The following PDGFD variants were observed in gnomAD, a reference collection of about 807,000 sequenced individuals.
The protein encoded by PDGFD is platelet derived growth factor D, also known as platelet-derived growth factor D.
Under a neutral mutation model 44.7 loss-of-function variants are expected in PDGFD, and 30 were observed. The observed-to-expected ratio is 0.67, with a 90% confidence interval of 0.50 to 0.91. The LOEUF is 0.91. Among genes scored for constraint, PDGFD ranks in the 40% least tolerant of loss-of-function variants. The probability of loss-of-function intolerance (pLI) is 0.00; values close to 1 mark genes in which losing one functional copy is unlikely to be tolerated. For synonymous variants in PDGFD, 173 were observed against 168.4 expected, an observed-to-expected ratio of 1.03 and a Z score of -0.21; for missense variants, 445 against 457.8, an observed-to-expected ratio of 0.97 and a Z score of 0.25.
intron 3 of PDGFD, among the ~76,000 whole-genome samples, chr11:103,975,604 C>CTAGGTTTTAGGTTT: frequency 6.6e-6 from 1 of 152,006 alleles, no homozygotes; most frequent in Non-Finnish European, 1.5e-5. Context: ...AGGTTTTCTT[C>CTAGGTTTTAGGTTT]TAGGTTTTAG....
chr11:103,990,904 C>T (rs778206173), intron 3 of PDGFD, among the ~76,000 whole-genome samples: 1 of 152,050 alleles, frequency 6.6e-6, no homozygotes, highest in Non-Finnish European at 1.5e-5. Flanking sequence ...CTTTGGGAGG[C>T]TGAGGCGGGC....
At chr11:103,959,971 TCAGTTAACAGGAACATCTTTTACTTTGA>T (rs1858911585) in intron 3 of PDGFD, among the ~76,000 whole-genome samples, 1 of 152,216 alleles carries the variant, frequency 6.6e-6, no homozygotes. Context: ...TTGGTTATCA[TCAGTTAACAGGAACATCTTTTACTTTGA>T]CCAGTTATTA....
intron 1 of PDGFD, among the ~76,000 whole-genome samples, chr11:104,099,804 T>C (rs1382157268): frequency 4.6e-5 from 7 of 151,994 alleles, no homozygotes; most frequent in African/African-American, 1.7e-4. Flanking sequence ...AATGAAACTA[T>C]TTGCAATTCT....
intron 1 of PDGFD, among the ~76,000 whole-genome samples, chr11:104,121,523 A>G (rs561409039): frequency 1.3e-5 from 2 of 152,200 alleles, no homozygotes; most frequent in East Asian, 3.9e-4. Context: ...CTATAGTCCA[A>G]CAATTTTGTG....
chr11:103,957,024 T>C (rs2134333686), intron 3 of PDGFD, among the ~76,000 whole-genome samples: 1 of 152,328 alleles, frequency 6.6e-6, no homozygotes, highest in African/African-American at 2.4e-5. Context: ...TTCACTCTGA[T>C]GGTAGTTTCT....
intron 1 of PDGFD, among the ~76,000 whole-genome samples, chr11:104,144,982 T>C (rs1030993740): frequency 6.6e-6 from 1 of 152,152 alleles, no homozygotes; most frequent in Non-Finnish European, 1.5e-5. Flanking sequence ...TCTGAAAAAA[T>C]GTGGAAAAGT....
intron 5 of PDGFD, among the ~76,000 whole-genome samples, chr11:103,932,362 T>C (rs1434598614): frequency 2.0e-5 from 3 of 152,206 alleles, no homozygotes; most frequent in South Asian, 2.1e-4. Flanking sequence ...TAGGCTGATA[T>C]ATGCGTTCTG....
intron 3 of PDGFD, among the ~76,000 whole-genome samples, chr11:103,981,011 C>T (rs1273313848): frequency 1.3e-5 from 2 of 151,920 alleles, no homozygotes; most frequent in Admixed American, 6.6e-5. Context: ...GATTCTAACC[C>T]TCTGCTATGT....
At chr11:104,151,568 T>C (rs1233215668) in intron 1 of PDGFD, among the ~76,000 whole-genome samples, 1 of 152,184 alleles carries the variant, frequency 6.6e-6, no homozygotes, top group Non-Finnish European at 1.5e-5. Context: ...CAAAGTTGTC[T>C]TTGTTTACTG....
chr11:104,102,271 A>G (rs1400987826), intron 1 of PDGFD, among the ~76,000 whole-genome samples: 1 of 152,238 alleles, frequency 6.6e-6, no homozygotes, highest in Non-Finnish European at 1.5e-5. Context: ...GGCAAAGGAT[A>G]TGAACAGACA....
At chr11:103,982,645 A>G (rs1484239258) in intron 3 of PDGFD, among the ~76,000 whole-genome samples, 1 of 151,792 alleles carries the variant, frequency 6.6e-6, no homozygotes, top group East Asian at 1.9e-4. Context: ...TGCAGATAAC[A>G]TGATCCTATA....
At chr11:104,025,334 G>C (rs1444020792) in intron 1 of PDGFD, among the ~76,000 whole-genome samples, 2 of 152,148 alleles carry the variant, frequency 1.3e-5, no homozygotes, top group African/African-American at 4.8e-5. Flanking sequence ...GGTATGGGGT[G>C]CAAATCCACT....
At position 104,139,803 on chromosome 11, in the gene PDGFD, C is replaced by T. The variant is rs1347962560; in HGVS notation, c.124+24001G>A. 2.6e-5 allele frequency among the ~76,000 whole-genome samples: 2 copies of T among 75,972 alleles called. 1 individual carries two copies. The highest frequency in any genetic ancestry group is 4.9e-5 in the Non-Finnish European group (2 of 41,036). The allele number at this position is 75,972 out of a possible 152,430, so 49.8% of individuals were successfully genotyped here. A position where few individuals can be genotyped will look rare whatever the true frequency, so the allele number is the denominator to read the frequency against. ...CTGTAATCCCAGCACTTTGGGAGGC[C>T]GAGGCGGGTGGATCATGAGGTCAGG... On this transcript the variant is annotated intron_variant, in intron 1 of 6. Coordinates refer to ENST00000393158, the MANE Select transcript of PDGFD (RefSeq NM_025208.5).
At chr11:104,123,019 C>G (rs1255805374) in intron 1 of PDGFD, among the ~76,000 whole-genome samples, 1 of 151,970 alleles carries the variant, frequency 6.6e-6, no homozygotes, top group Non-Finnish European at 1.5e-5. Context: ...ATGTTAATCC[C>G]AAGAATTAAA....
chr11:104,132,060 T>TG (rs1861931731), intron 1 of PDGFD, among the ~76,000 whole-genome samples: 1 of 150,780 alleles, frequency 6.6e-6, no homozygotes, highest in Admixed American at 6.7e-5. Context: ...TCTGACATGG[T>TG]GAGCATGCCA....
intron 6 of PDGFD, among the ~76,000 whole-genome samples, chr11:103,916,903 C>G (rs905266156): frequency 1.2e-4 from 18 of 152,070 alleles, no homozygotes; most frequent in African/African-American, 4.3e-4. Flanking sequence ...GACATGGACA[C>G]AGGGAGGGGA....
At chr11:104,128,027 G>C (rs1195487678) in intron 1 of PDGFD, among the ~76,000 whole-genome samples, 1 of 152,110 alleles carries the variant, frequency 6.6e-6, no homozygotes, top group Non-Finnish European at 1.5e-5. Context: ...GTCATGATCA[G>C]GAACTAATCC....
At chr11:104,037,984 G>A in intron 1 of PDGFD, 1 of 1,613,730 alleles carries the variant, frequency 6.2e-7, no homozygotes. Flanking sequence ...TACACATTCA[G>A]TCATGGATTC....
intron 1 of PDGFD, among the ~76,000 whole-genome samples, chr11:104,101,806 G>A (rs906010086): frequency 1.5e-4 from 23 of 151,840 alleles, no homozygotes; most frequent in African/African-American, 4.9e-4. Context: ...TGACAAACCT[G>A]ACAAAAACAA....
Sources: allele counts gnomAD v4.1 joint callset (sites outside exome capture counted in the v4.1 genomes callset), GRCh38; gene constraint gnomAD v4.1.1; transcripts MANE v1.5; gene names NCBI Gene and HGNC (gene_info 2026-07-23, HGNC 2026-07-21).